The following APBB2 variants were observed in gnomAD, a reference collection of about 807,000 sequenced individuals.
APBB2 encodes amyloid beta precursor protein binding family B member 2, also known as Fe65-like 1.
APBB2 carries 38 observed loss-of-function variants against 82.5 expected under a neutral mutation model. That is an observed-to-expected ratio of 0.46 (90% confidence interval 0.36 to 0.60). The LOEUF (loss-of-function observed/expected upper bound fraction) is 0.60, where lower values mean the gene tolerates loss of function less well. Ranked by LOEUF, APBB2 falls within the 20% of genes least tolerant of loss-of-function variation. APBB2 has a pLI of 0.00. For missense variants in APBB2, 772 were observed against 972.3 expected (o/e 0.79, Z 2.74); for synonymous variants, 341 against 368.2 (o/e 0.93, Z 0.85).
intron 4 of APBB2, among the ~76,000 whole-genome samples, chr4:41,041,332 T>C (rs1682101913): frequency 6.6e-6 from 1 of 152,348 alleles, no homozygotes; most frequent in Non-Finnish European, 1.5e-5. Flanking sequence ...AAAATGTGTA[T>C]AGTCTTGTAA....
At chr4:41,187,241 G>A (rs185806184) in intron 1 of APBB2, among the ~76,000 whole-genome samples, 16 of 152,240 alleles carry the variant, frequency 1.1e-4, no homozygotes, top group Non-Finnish European at 1.5e-4. Context: ...TATCAAAATG[G>A]TGGGATTTCA....
chr4:41,078,624 A>T (rs943494680), intron 3 of APBB2, among the ~76,000 whole-genome samples: 25 of 152,178 alleles, frequency 1.6e-4, no homozygotes, highest in African/African-American at 5.5e-4. Context: ...TAGTTAACAC[A>T]TGGTGAAGGG....
At chr4:41,046,505 C>A (rs1173979613) in intron 4 of APBB2, among the ~76,000 whole-genome samples, 1 of 152,032 alleles carries the variant, frequency 6.6e-6, no homozygotes, top group Non-Finnish European at 1.5e-5. Flanking sequence ...TGAGATGAAG[C>A]CTTAATATGC....
chr4:40,924,582 A>C (rs1782138360), intron 10 of APBB2, among the ~76,000 whole-genome samples: 1 of 152,180 alleles, frequency 6.6e-6, no homozygotes, highest in Non-Finnish European at 1.5e-5. Flanking sequence ...CCCAGAGACC[A>C]CACCATGAGA....
At chr4:41,144,500 T>G (rs943312361) in intron 1 of APBB2, among the ~76,000 whole-genome samples, 2 of 152,194 alleles carry the variant, frequency 1.3e-5, no homozygotes, top group African/African-American at 4.8e-5. Flanking sequence ...TTAAGAGAAT[T>G]TTTAAATAAG....
intron 1 of APBB2, among the ~76,000 whole-genome samples, chr4:41,212,033 T>A (rs1456764747): frequency 6.6e-6 from 1 of 152,172 alleles, no homozygotes; most frequent in Non-Finnish European, 1.5e-5. Context: ...AATTTAGATA[T>A]CCAGTACTCA....
intron 5 of APBB2, among the ~76,000 whole-genome samples, chr4:41,027,623 A>G (rs912192863): frequency 2.0e-5 from 3 of 152,080 alleles, no homozygotes; most frequent in East Asian, 1.9e-4. Flanking sequence ...CTTTTATTAT[A>G]AAGTCTAGCA....
At chr4:40,823,008 C>T (rs1748545180) in intron 16 of APBB2, among the ~76,000 whole-genome samples, 1 of 152,142 alleles carries the variant, frequency 6.6e-6, no homozygotes. Context: ...CCAGGGTGAA[C>T]CGGGCAGCTG....
At chr4:40,828,728 A>AC (rs1056473428) in intron 13 of APBB2, among the ~76,000 whole-genome samples, 2 of 152,136 alleles carry the variant, frequency 1.3e-5, no homozygotes, top group African/African-American at 4.8e-5. Context: ...TGGCAGCAAC[A>AC]CCCCCGTCTC....
chr4:41,070,942 T>C (rs963730258), intron 3 of APBB2, among the ~76,000 whole-genome samples: 1 of 152,240 alleles, frequency 6.6e-6, no homozygotes, highest in African/African-American at 2.4e-5. Flanking sequence ...TGCAGCTTTT[T>C]AATTACTGCA....
chr4:41,022,459 C>T (rs1712019821), intron 5 of APBB2, among the ~76,000 whole-genome samples: 2 of 152,158 alleles, frequency 1.3e-5, no homozygotes, highest in Non-Finnish European at 2.9e-5. Context: ...TCCCTCCACA[C>T]ACTCTCAGTA....
chr4:40,949,045 G>A (rs759189705), intron 6 of APBB2, among the ~76,000 whole-genome samples: 2 of 152,124 alleles, frequency 1.3e-5, no homozygotes, highest in African/African-American at 2.4e-5. Flanking sequence ...TTGGAAGGCC[G>A]AGGCAGGTAG....
intron 2 of APBB2, among the ~76,000 whole-genome samples, chr4:41,141,334 G>GTC (rs1759119265): frequency 1.0e-5 from 1 of 99,018 alleles, no homozygotes; most frequent in African/African-American, 3.8e-5. Context: ...GTGTGTGTCT[G>GTC]TGTGTGTGTG....
chr4:41,039,718 G>A (rs2154446648), intron 4 of APBB2, among the ~76,000 whole-genome samples: 1 of 151,934 alleles, frequency 6.6e-6, no homozygotes, highest in East Asian at 1.9e-4. Context: ...AAATTAACTG[G>A]GCATGGTGGC....
At chr4:40,862,490 T>C (rs1267888925) in intron 12 of APBB2, among the ~76,000 whole-genome samples, 1 of 152,218 alleles carries the variant, frequency 6.6e-6, no homozygotes, top group African/African-American at 2.4e-5. Flanking sequence ...ACTTGCATAA[T>C]CAGAGGATTT....
chr4:40,840,037 T>C (rs2437338), intron 12 of APBB2, among the ~76,000 whole-genome samples: 89,229 of 152,056 alleles, frequency 0.59, 26,696 homozygotes, highest in Admixed American at 0.67. Flanking sequence ...ATGTACCCAG[T>C]GACCCTTCCC....
chr4:40,969,814 C>A (rs140378231), intron 6 of APBB2, among the ~76,000 whole-genome samples: 38 of 152,292 alleles, frequency 2.5e-4, no homozygotes, highest in African/African-American at 9.1e-4. Flanking sequence ...GTAAAGGGAA[C>A]ATGTTTCAAC....
At position 40,914,230 on chromosome 4, in the gene APBB2, A is replaced by G. The variant is rs189367292; in HGVS notation, c.1254+20226T>C. ...CTAAAAATACAAAAAAAAATTAGCC[A>G]GGCATGGTGGCAGGCGCCTATAGTC... On this transcript the variant is annotated intron_variant, in intron 10 of 17. Coordinates refer to ENST00000508593, the MANE Select transcript of APBB2 (RefSeq NM_004307.2). Among the ~76,000 whole-genome samples, 879 of 152,190 alleles carry G rather than the reference A, an allele frequency of 5.8e-3. 10 individuals carry two copies. The highest frequency in any genetic ancestry group is 0.019 in the African/African-American group (784 of 41,520).
intron 1 of APBB2, among the ~76,000 whole-genome samples, chr4:41,160,458 G>A (rs1447498898): frequency 6.6e-6 from 1 of 152,138 alleles, no homozygotes; most frequent in Non-Finnish European, 1.5e-5. Flanking sequence ...AATGACAGAG[G>A]AGACTTCAGG....
Sources: gnomAD v4.1 joint callset for allele counts (sites outside exome capture counted in the v4.1 genomes callset) on GRCh38, gnomAD v4.1.1 for gene constraint, MANE v1.5 for transcripts, NCBI Gene and HGNC (gene_info 2026-07-23, HGNC 2026-07-21) for gene names.